The following CD180 variants were observed in gnomAD, a reference collection of about 807,000 sequenced individuals.
CD180 encodes the protein CD180 molecule.
A neutral mutation model predicts 10.7 loss-of-function variants in CD180; 11 were observed. That is an observed-to-expected ratio of 1.03 (90% CI 0.65 to 1.70). The LOEUF (loss-of-function observed/expected upper bound fraction) is 1.70, where lower values mean the gene tolerates loss of function less well. Ranked by LOEUF, CD180 falls within the 40% of genes most tolerant of loss-of-function variation. The probability of loss-of-function intolerance (pLI) is 0.00; values close to 1 mark genes in which losing one functional copy is unlikely to be tolerated. For synonymous variants in CD180, 286 were observed against 294.6 expected (o/e 0.97, Z 0.30); for missense variants, 729 against 775.2 (o/e 0.94, Z 0.71).
rs1249607759 is a variant in CD180, at chr5:67,180,339, C to T, written c.*2518G>A. On this transcript the variant is annotated 3_prime_UTR_variant, in exon 3 of 3. Transcript: ENST00000256447. ...GTATGTCTATGGGTTGGTAAATCAG[C>T]AATTAGTATTTTCCATCTGCAGCTT... 13 of 152,200 alleles carry T rather than the reference C, an allele frequency of 8.5e-5. No individual in the cohort carries two copies. The highest frequency in any genetic ancestry group is 1.5e-5 in the Non-Finnish European group (1 of 68,046). The allele number at this position is 152,200 out of a possible 1,614,324, so 9.4% of individuals were successfully genotyped here. A position where few individuals can be genotyped will look rare whatever the true frequency, so the allele number is the denominator to read the frequency against.
At chr5:67,186,202 A>G (rs960039864) in intron 1 of CD180, 185 bp from the exon 2 acceptor site, 58 of 408,388 alleles carry the variant, frequency 1.4e-4, no homozygotes, top group Admixed American at 3.0e-4. Flanking sequence ...TTGTAATAGC[A>G]AAATTGACAA....
chr5:67,183,424 A>T lies in CD180; in HGVS notation c.1419T>A (p.His473Gln). The T allele has an allele frequency of 1.2e-6, 2 of 1,614,224 alleles. No homozygotes were observed. Among genetic ancestry groups the T allele is most frequent in the Non-Finnish European group, 1.7e-6 (2 of 1,180,040 alleles). ...HLLAGLPVLR[H>Q]LNLKGNHFQD... ...GAAAGTGATTCCCTTTTAAGTTGAG[A>T]TGCCGGAGAACTGGTAGGCCTGCTA... is the stretch of plus-strand genomic sequence containing the variant. Residue 473 changes from histidine to glutamine, a missense_variant, in exon 3 of 3, where the codon CAT (histidine) becomes CAA (glutamine). Coordinates refer to ENST00000256447, the MANE Select transcript of CD180 (RefSeq NM_005582.3).
intron 1 of CD180, among the ~76,000 whole-genome samples, chr5:67,190,592 G>A (rs1002704638): frequency 1.3e-5 from 2 of 152,218 alleles, no homozygotes; most frequent in East Asian, 1.9e-4. Flanking sequence ...CTCACACAGC[G>A]AGTAGAGCTG....
chr5:67,190,965 AC>A, intron 1 of CD180: 1 of 985,348 alleles, frequency 1.0e-6, no homozygotes, highest in South Asian at 4.7e-5. Context: ...CGCTTGACAC[AC>A]GCAGCAGCCA....
intron 1 of CD180, among the ~76,000 whole-genome samples, chr5:67,190,071 T>C (rs1359596106): frequency 5.3e-5 from 8 of 152,244 alleles, no homozygotes; most frequent in African/African-American, 1.9e-4. Context: ...ACTCCTTTAA[T>C]CTGAGACAGT....
rs778831029 is a variant in CD180, at chr5:67,183,150, T to G, written c.1693A>C (p.Ile565Leu). ...INIISPRLLP[I>L]LSQQSTINLS... ...TTAATGGTGCTCTGCTGGGACAAGA[T>G]AGGGAGGAGACGGGGTGAGATGATG... Residue 565 changes from isoleucine (I) to leucine (L), a missense_variant, in exon 3 of 3, where the codon ATC becomes CTC. Ile to Leu is a conservative substitution (Grantham distance 5). Transcript: ENST00000256447. The G allele has an allele frequency of 1.9e-6, 3 of 1,610,904 alleles. No individual in the cohort carries two copies. The African/African-American group carries it at 4.0e-5, about 22-fold the overall frequency.
chr5:67,192,156 C>T (rs748670452), intron 1 of CD180, among the ~76,000 whole-genome samples: 11 of 152,022 alleles, frequency 7.2e-5, no homozygotes, highest in African/African-American at 1.9e-4. Context: ...TTTGGGAGGC[C>T]GAGGTGGGCG....
chr5:67,194,803 T>C (rs1487403132), intron 1 of CD180, among the ~76,000 whole-genome samples: 2 of 152,198 alleles, frequency 1.3e-5, no homozygotes, highest in East Asian at 3.8e-4. Context: ...CCTTCTGTTA[T>C]GGGCTGAATT....
chr5:67,186,216 C>G (rs1477796057), intron 1 of CD180, 199 bp from the exon 2 acceptor site: 2 of 378,404 alleles, frequency 5.3e-6, no homozygotes, highest in African/African-American at 4.5e-5. Flanking sequence ...TTGACAATAA[C>G]CAGACTATTC....
Position 67,188,600 on chromosome 5 carries a change from G to A in CD180, c.91-2583C>T, listed in dbSNP as rs534781334. On this transcript the variant is annotated intron_variant, in intron 1 of 2. Coordinates refer to ENST00000256447, the MANE Select transcript of CD180 (RefSeq NM_005582.3). Reference sequence around the variant, plus strand: ...CCAGATCAGTGTCTTTTCTTATGCCGAGTTACAAACAGATCTGCTTAGTGA... The same window carrying A: ...CCAGATCAGTGTCTTTTCTTATGCCAAGTTACAAACAGATCTGCTTAGTGA... 7.2e-5 allele frequency among the ~76,000 whole-genome samples: 11 copies of A among 152,272 alleles called. No individual in the cohort carries two copies. In the East Asian group the frequency reaches 9.7e-4, roughly 13 times the overall value.
At chr5:67,185,291 A>C (rs1742168263) in intron 2 of CD180, among the ~76,000 whole-genome samples, 1 of 106,462 alleles carries the variant, frequency 9.4e-6, no homozygotes, top group African/African-American at 5.0e-5. Flanking sequence ...CCCCTCTTAC[A>C]CACACACACA....
Position 67,184,983 on chromosome 5 carries a change from C to T in CD180, c.258-398G>A, listed in dbSNP as rs1055485727. Among the ~76,000 whole-genome samples, 5 of 151,878 alleles carry T rather than the reference C, an allele frequency of 3.3e-5. No individual in the cohort carries two copies. The South Asian group carries it at 8.3e-4, about 25-fold the overall frequency. ...ACACACACAAAAATCTGTGTCATCC[C>T]GGGCAAGTTACAACTTTTCTCAACC... On this transcript the variant is annotated intron_variant, in intron 2 of 2. Transcript: ENST00000256447.
chr5:67,183,762 G>C lies in CD180; in HGVS notation c.1081C>G (p.Leu361Val), dbSNP rs1302103367. Residue 361 changes from leucine (L) to valine (V), a missense_variant, in exon 3 of 3, where the codon CTT becomes GTT. Physicochemically the swap from Leu to Val is conservative, Grantham distance 32 (BLOSUM62 1). Coordinates refer to ENST00000256447, the MANE Select transcript of CD180 (RefSeq NM_005582.3). ...YIRGNVKKLHLGVGCLEKLGN... is the reference protein window; with the variant it reads ...YIRGNVKKLHVGVGCLEKLGN... ...AGTTTCTCCAAGCAGCCAACACCAA[G>C]GTGAAGTTTCTTCACGTTGCCTCTG... The C allele has an allele frequency of 1.2e-6, 2 of 1,614,090 alleles. No homozygotes were observed. The highest frequency in any genetic ancestry group is 2.2e-5 in the East Asian group (1 of 44,878).
chr5:67,191,182 T>C, intron 1 of CD180: 1 of 742,518 alleles, frequency 1.3e-6, no homozygotes, highest in South Asian at 6.1e-5. Context: ...TCCAGTTACA[T>C]GCACTTTATT....
rs1421561368 is a variant in CD180, at chr5:67,184,344, G to A, written c.499C>T (p.Pro167Ser). ...AGATTCCGTGCTGGGAAGTCTTTGG[G>A]GAACTTAATGGAGGAAATATGGTTG... ...GSNHISSIKFPKDFPARNLKV... is the reference protein window; with the variant it reads ...GSNHISSIKFSKDFPARNLKV... Residue 167 changes from proline (P) to serine (S), a missense_variant, in exon 3 of 3, where the codon CCC (proline) becomes TCC (serine). Transcript: ENST00000256447. 6.2e-7 allele frequency: 1 copy of A among 1,614,148 alleles called. No homozygotes were observed. Among genetic ancestry groups the A allele is most frequent in the South Asian group, 1.1e-5 (1 of 91,076 alleles).
Position 67,183,926 on chromosome 5 carries a change from G to C in CD180, c.917C>G (p.Thr306Arg). The change falls in exon 3 of 3, where the codon ACA (threonine) becomes AGA (arginine). Residue 306 changes from threonine (T) to arginine (R), a missense_variant. Thr to Arg is a moderately conservative substitution (Grantham distance 71). Transcript: ENST00000256447. Reference sequence around the variant, plus strand: ...GGGTAACCCTTTCAAGTGAGTTGCTGTCAGATCCAATTCTTGGAGTTGGGT... The same window carrying C: ...GGGTAACCCTTTCAAGTGAGTTGCTCTCAGATCCAATTCTTGGAGTTGGGT... Reference protein sequence around the residue: ...CFTQLQELDLTATHLKGLPSG... With the variant: ...CFTQLQELDLRATHLKGLPSG... The C allele has an allele frequency of 6.2e-7, 1 of 1,614,224 alleles. No individual in the cohort carries two copies. Among genetic ancestry groups the C allele is most frequent in the Non-Finnish European group, 8.5e-7 (1 of 1,180,044 alleles).
chr5:67,184,910 T>C (rs183688860), intron 2 of CD180, among the ~76,000 whole-genome samples: 5 of 152,198 alleles, frequency 3.3e-5, no homozygotes, highest in Non-Finnish European at 5.9e-5. Flanking sequence ...AAATATATCA[T>C]ATAGAATGCA....
In CD180 at chr5:67,183,829, T is replaced by A. The variant is rs1008484022; in HGVS notation, c.1014A>T (p.Gln338His). The stretch of plus-strand genomic sequence containing the variant: ...GGGAGGGGAAATTGGCAGCACTGAT[T>A]TGACACAATTGATCGAAATGATTTA... ...LSVNHFDQLCQISAANFPSLT... is the reference protein window; with the variant it reads ...LSVNHFDQLCHISAANFPSLT... The change falls in exon 3 of 3, where the codon CAA (glutamine) becomes CAT (histidine). Residue 338 changes from glutamine (Q) to histidine (H), a missense_variant. By Grantham distance (24) the Gln-to-His change is conservative. Coordinates refer to ENST00000256447, the MANE Select transcript of CD180 (RefSeq NM_005582.3). 18 of 1,614,106 alleles carry A rather than the reference T, an allele frequency of 1.1e-5. No individual in the cohort carries two copies. The highest frequency in any genetic ancestry group is 1.4e-5 in the Non-Finnish European group (17 of 1,180,048).
intron 1 of CD180, among the ~76,000 whole-genome samples, chr5:67,189,539 G>T (rs1742262332): frequency 6.6e-6 from 1 of 152,154 alleles, no homozygotes; most frequent in Non-Finnish European, 1.5e-5. Flanking sequence ...GGAGAAAGAG[G>T]CAAGTGACAA....
Sources: gnomAD v4.1 joint callset for allele counts (sites outside exome capture counted in the v4.1 genomes callset) on GRCh38, gnomAD v4.1.1 for gene constraint, MANE v1.5 for transcripts, NCBI Gene and HGNC (gene_info 2026-07-23, HGNC 2026-07-21) for gene names.